ADAMTSL1: variants seen among roughly 807,000 people sequenced by gnomAD.
ADAMTSL1 encodes the protein ADAMTS like 1.
Under a neutral mutation model 201.8 loss-of-function variants are expected in ADAMTSL1, and 126 were observed. The ratio of observed to expected loss-of-function variants is 0.62; its 90% CI spans 0.54 to 0.72. The LOEUF (loss-of-function observed/expected upper bound fraction) is 0.72, where lower values mean the gene tolerates loss of function less well. Among genes scored for constraint, ADAMTSL1 ranks in the 30% least tolerant of loss-of-function variants. The probability of loss-of-function intolerance (pLI) is 0.00; values close to 1 mark genes in which losing one functional copy is unlikely to be tolerated. For synonymous variants in ADAMTSL1, 1,121 were observed against 903.4 expected (o/e 1.24, Z -4.32); for missense variants, 2,679 against 2,277.8 (o/e 1.18, Z -3.59).
At position 18,543,083 on chromosome 9, in the gene ADAMTSL1, G is replaced by A. The variant is rs1820248228; in HGVS notation, c.237+9791G>A. On this transcript the variant is annotated intron_variant, in intron 3 of 28. Transcript: ENST00000380548. ...CTCTGGCAACTATCATGGCTTGGCT[G>A]TTCTTTGGCCAAATACTTGATTGGA... Among the ~76,000 whole-genome samples the A allele has an allele frequency of 3.3e-5, 5 of 152,250 alleles. No individual in the cohort carries two copies. In the South Asian group the frequency reaches 1.0e-3, roughly 32 times the overall value.
intron 2 of ADAMTSL1, among the ~76,000 whole-genome samples, chr9:18,445,419 A>G (rs977006876): frequency 2.6e-5 from 4 of 152,158 alleles, no homozygotes; most frequent in Non-Finnish European, 4.4e-5. Context: ...CCTACATACA[A>G]AATGATACCC....
At chr9:18,705,455 G>A (rs2133324541) in intron 13 of ADAMTSL1, among the ~76,000 whole-genome samples, 1 of 152,252 alleles carries the variant, frequency 6.6e-6, no homozygotes, top group East Asian at 1.9e-4. Context: ...GAAGATGGGA[G>A]GACATTTTTG....
chr9:18,815,987 C>T (rs1823826051), intron 20 of ADAMTSL1, among the ~76,000 whole-genome samples: 1 of 152,054 alleles, frequency 6.6e-6, no homozygotes, highest in Non-Finnish European at 1.5e-5. Context: ...TTATATTTAT[C>T]ATTTCTTTGT....
At chr9:18,593,744 G>C (rs1036237985) in intron 4 of ADAMTSL1, among the ~76,000 whole-genome samples, 3 of 151,196 alleles carry the variant, frequency 2.0e-5, no homozygotes, top group African/African-American at 7.3e-5. Context: ...TTAATTTCTA[G>C]TTTTATTCCA....
At chr9:18,441,951 A>G (rs972162802) in intron 2 of ADAMTSL1, among the ~76,000 whole-genome samples, 3 of 152,226 alleles carry the variant, frequency 2.0e-5, no homozygotes, top group African/African-American at 7.2e-5. Flanking sequence ...TTTAATGCCA[A>G]ATGAAAACCC....
intron 2 of ADAMTSL1, among the ~76,000 whole-genome samples, chr9:18,177,779 A>G (rs1828241601): frequency 6.6e-6 from 1 of 152,204 alleles, no homozygotes; most frequent in Admixed American, 6.5e-5. Context: ...GGATTTGGTT[A>G]CATACCCATG....
At chr9:18,476,491 G>A (rs990499906) in intron 1 of ADAMTSL1, among the ~76,000 whole-genome samples, 4 of 152,068 alleles carry the variant, frequency 2.6e-5, no homozygotes, top group Non-Finnish European at 4.4e-5. Flanking sequence ...ACAATATCAT[G>A]AGCACTTGTT....
At position 17,950,028 on chromosome 9, in the gene ADAMTSL1, C is replaced by T. The variant is rs572566785; in HGVS notation, c.87+43106C>T. On this transcript the variant is annotated intron_variant, in intron 1 of 29. Coordinates refer to the ADAMTSL1 transcript ENST00000680146. ...CTGTCTCCCGGGTTCAAGTGATTCT[C>T]GTGCTTCAGCCTTTGAAGTAGCTGG... 6.6e-5 allele frequency among the ~76,000 whole-genome samples: 10 copies of T among 152,144 alleles called. No individual in the cohort carries two copies. The East Asian group carries it at 9.7e-4, about 15-fold the overall frequency.
intron 23 of ADAMTSL1, among the ~76,000 whole-genome samples, chr9:18,865,962 C>T (rs1421455634): frequency 6.6e-6 from 1 of 151,912 alleles, no homozygotes; most frequent in Non-Finnish European, 1.5e-5. Context: ...TGCTAGCCCC[C>T]TGCCTTAAAT....
chr9:18,839,132 C>G (rs1417073462), intron 23 of ADAMTSL1, among the ~76,000 whole-genome samples: 2 of 150,662 alleles, frequency 1.3e-5, no homozygotes, highest in Non-Finnish European at 3.0e-5. Context: ...GTGCTGCACC[C>G]ATTAACTCGT....
At chr9:18,063,926 T>G (rs1822577851) in intron 1 of ADAMTSL1, among the ~76,000 whole-genome samples, 1 of 152,118 alleles carries the variant, frequency 6.6e-6, no homozygotes, top group Non-Finnish European at 1.5e-5. Context: ...GCTTCCAATT[T>G]CCGTGCCGGT....
At chr9:18,628,024 A>G (rs1826505152) in intron 5 of ADAMTSL1, among the ~76,000 whole-genome samples, 1 of 152,164 alleles carries the variant, frequency 6.6e-6, no homozygotes, top group South Asian at 2.1e-4. Flanking sequence ...TGAATTGGAA[A>G]TATTTTCTCC....
intron 1 of ADAMTSL1, among the ~76,000 whole-genome samples, chr9:18,158,525 C>A (rs1827252254): frequency 6.6e-6 from 1 of 151,946 alleles, no homozygotes; most frequent in South Asian, 2.1e-4. Flanking sequence ...CAGGAGCAAG[C>A]TGTCAAAGTA....
chr9:18,708,730 C>T (rs10963731), intron 14 of ADAMTSL1, among the ~76,000 whole-genome samples: 7,901 of 152,228 alleles, frequency 0.052, 256 homozygotes, highest in Non-Finnish European at 0.077. Flanking sequence ...GACAAATGTG[C>T]TTTAAAAAAT....
Position 17,984,686 on chromosome 9 carries a change from C to T in ADAMTSL1, c.87+77764C>T, listed in dbSNP as rs143001634. Among the ~76,000 whole-genome samples the T allele has an allele frequency of 1.1e-3, 163 of 152,176 alleles. 2 individuals carry two copies. The East Asian group carries it at 0.016, about 15-fold the overall frequency. ...TTGGACGTATTGTCAAATTACCTTA[C>T]GAAAGGATCCTAGGCTTGCAAGATT... On this transcript the variant is annotated intron_variant, in intron 1 of 29. Coordinates refer to the ADAMTSL1 transcript ENST00000680146.
intron 2 of ADAMTSL1, among the ~76,000 whole-genome samples, chr9:18,466,485 C>T (rs1030293310): frequency 6.6e-6 from 1 of 152,154 alleles, no homozygotes; most frequent in African/African-American, 2.4e-5. Context: ...AATTCCGTGT[C>T]CTTTCTGGAA....
At chr9:17,981,444 G>C (rs939775083) in intron 1 of ADAMTSL1, among the ~76,000 whole-genome samples, 1 of 152,104 alleles carries the variant, frequency 6.6e-6, no homozygotes, top group Admixed American at 6.6e-5. Flanking sequence ...GTCACTACAG[G>C]TCTCTTTCTG....
chr9:18,041,082 C>G (rs1349214446), intron 1 of ADAMTSL1, among the ~76,000 whole-genome samples: 1 of 152,132 alleles, frequency 6.6e-6, no homozygotes, highest in African/African-American at 2.4e-5. Context: ...AAACCAAAGA[C>G]ACAAATCTGC....
At chr9:18,130,096 A>T (rs1283732613) in intron 1 of ADAMTSL1, among the ~76,000 whole-genome samples, 1 of 152,078 alleles carries the variant, frequency 6.6e-6, no homozygotes, top group East Asian at 1.9e-4. Context: ...GTGAAGCCCC[A>T]CTTCCTGTGG....
Sources: gnomAD v4.1 joint callset for allele counts (sites outside exome capture counted in the v4.1 genomes callset) on GRCh38, gnomAD v4.1.1 for gene constraint, MANE v1.5 for transcripts, NCBI Gene and HGNC (gene_info 2026-07-23, HGNC 2026-07-21) for gene names.